Variants in KLHL1 observed in about 807,000 individuals in gnomAD.
The protein encoded by KLHL1 is kelch like family member 1.
A neutral mutation model predicts 77.7 loss-of-function variants in KLHL1; 47 were observed. The observed-to-expected ratio is 0.60, with a 90% confidence interval of 0.48 to 0.77. The LOEUF (loss-of-function observed/expected upper bound fraction) is 0.77. Ranked by LOEUF, KLHL1 falls within the 30% of genes least tolerant of loss-of-function variation. KLHL1 has a pLI of 0.00. For missense variants in KLHL1, 925 were observed against 910.8 expected, an observed-to-expected ratio of 1.02 and a Z score of -0.20; for synonymous variants, 360 against 325.2, an observed-to-expected ratio of 1.11 and a Z score of -1.15.
chr13:70,030,655 T>C (rs1417371757), intron 1 of KLHL1, among the ~76,000 whole-genome samples: 2 of 151,946 alleles, frequency 1.3e-5, no homozygotes, highest in East Asian at 1.9e-4. Context: ...AGATCCAAAA[T>C]TGACACCCTA....
intron 6 of KLHL1, among the ~76,000 whole-genome samples, chr13:69,835,344 A>G (rs1878943759): frequency 6.6e-6 from 1 of 152,124 alleles, no homozygotes; most frequent in African/African-American, 2.4e-5. Context: ...AATAAGAGAA[A>G]TTTTCAAGGG....
intron 1 of KLHL1, among the ~76,000 whole-genome samples, chr13:70,062,089 C>T (rs1886904461): frequency 6.6e-6 from 1 of 152,150 alleles, no homozygotes; most frequent in African/African-American, 2.4e-5. Flanking sequence ...AGCCTCTCCC[C>T]ATCTTCCTGT....
intron 1 of KLHL1, among the ~76,000 whole-genome samples, chr13:70,014,130 C>G (rs1054799401): frequency 6.6e-6 from 1 of 151,972 alleles, no homozygotes; most frequent in African/African-American, 2.4e-5. Flanking sequence ...AAAATCTATG[C>G]TTCTCAGGTA....
intron 1 of KLHL1, among the ~76,000 whole-genome samples, chr13:70,004,861 T>TTATAAC: frequency 6.6e-6 from 1 of 151,560 alleles, no homozygotes; most frequent in East Asian, 1.9e-4. Flanking sequence ...CCTTTGAAAA[T>TTATAAC]TATATTTATA....
chr13:69,789,829 A>T (rs182086815), intron 7 of KLHL1, among the ~76,000 whole-genome samples: 3 of 152,088 alleles, frequency 2.0e-5, no homozygotes, highest in African/African-American at 7.2e-5. Flanking sequence ...GAAGGAAAGA[A>T]AGATTTTGTT....
intron 5 of KLHL1, among the ~76,000 whole-genome samples, chr13:69,842,974 G>C (rs1454744384): frequency 1.3e-5 from 2 of 151,734 alleles, no homozygotes; most frequent in African/African-American, 4.8e-5. Flanking sequence ...TTTTATGTGG[G>C]AGTTAAGAAA....
intron 6 of KLHL1, among the ~76,000 whole-genome samples, chr13:69,826,918 T>G (rs1249540183): frequency 6.6e-6 from 1 of 151,880 alleles, no homozygotes; most frequent in East Asian, 1.9e-4. Flanking sequence ...TGTATTCATT[T>G]TCTGGACATC....
intron 4 of KLHL1, among the ~76,000 whole-genome samples, chr13:69,927,814 T>A (rs1234321347): frequency 6.6e-6 from 1 of 152,174 alleles, no homozygotes; most frequent in East Asian, 1.9e-4. Context: ...TACAGCTAGG[T>A]TGGAAAACAG....
At chr13:70,009,368 T>C (rs374363622) in intron 1 of KLHL1, among the ~76,000 whole-genome samples, 32 of 152,212 alleles carry the variant, frequency 2.1e-4, no homozygotes, top group East Asian at 7.7e-4. Flanking sequence ...AGGTGTTGCA[T>C]AGGTAAAGGG....
rs547875958 is a variant in KLHL1, at chr13:69,924,060, C to T, written c.1014+15980G>A. Reference sequence around the variant, plus strand: ...ACGTGTGCACATGCCTGCAGCAGTGCTGACATGCCAACTCCCTGCTGCCTC... The same window carrying T: ...ACGTGTGCACATGCCTGCAGCAGTGTTGACATGCCAACTCCCTGCTGCCTC... On this transcript the variant is annotated intron_variant, in intron 4 of 10. Transcript: ENST00000377844. Among the ~76,000 whole-genome samples the T allele has an allele frequency of 2.1e-4, 32 of 152,326 alleles. No individual in the cohort carries two copies. The South Asian group carries it at 6.6e-3, about 32-fold the overall frequency.
intron 7 of KLHL1, among the ~76,000 whole-genome samples, chr13:69,794,224 T>C (rs997728734): frequency 6.6e-6 from 1 of 151,940 alleles, no homozygotes; most frequent in African/African-American, 2.4e-5. Context: ...TAACAGCAAA[T>C]AGGTTGAGCG....
chr13:69,855,688 C>T (rs1481660041), intron 5 of KLHL1, among the ~76,000 whole-genome samples: 2 of 151,568 alleles, frequency 1.3e-5, no homozygotes, highest in South Asian at 2.1e-4. Context: ...CTTCCCCTTC[C>T]GCCGTGATTG....
intron 6 of KLHL1, among the ~76,000 whole-genome samples, chr13:69,830,545 C>G (rs1878722611): frequency 6.7e-6 from 1 of 150,122 alleles, no homozygotes; most frequent in Admixed American, 6.7e-5. Context: ...GTCATCAAGA[C>G]AGAAAGTCAA....
At chr13:69,959,141 C>T (rs531910747) in intron 3 of KLHL1, among the ~76,000 whole-genome samples, 1 of 152,096 alleles carries the variant, frequency 6.6e-6, no homozygotes, top group South Asian at 2.1e-4. Context: ...GTATCCTGTC[C>T]GCCCTCTACA....
Position 69,861,102 on chromosome 13 carries a change from A to G in KLHL1, c.1227+21181T>C, listed in dbSNP as rs9599517. 7.0e-3 allele frequency among the ~76,000 whole-genome samples: 1,070 copies of G among 152,212 alleles called. 2 individuals carry two copies. The highest frequency in any genetic ancestry group is 9.8e-3 in the Non-Finnish European group (664 of 67,964). ...ATAGCATCTCTGAACTGTTTTAGAA[A>G]TGGCCAAAGTAACGCTAACTGGTAA... On this transcript the variant is annotated intron_variant, in intron 5 of 10. Transcript: ENST00000377844.
intron 1 of KLHL1, among the ~76,000 whole-genome samples, chr13:70,103,754 TTC>T (rs1887980078): frequency 6.6e-6 from 1 of 152,176 alleles, no homozygotes; most frequent in Admixed American, 6.5e-5. Flanking sequence ...TAGAAAGCTA[TTC>T]TCTGAAATAC....
chr13:70,020,881 T>C (rs1271924934), intron 1 of KLHL1, among the ~76,000 whole-genome samples: 2 of 152,122 alleles, frequency 1.3e-5, no homozygotes, highest in Non-Finnish European at 2.9e-5. Flanking sequence ...TACTTTATTT[T>C]TAGAGCACTG....
In KLHL1 at chr13:69,786,013, C is replaced by A. The variant is rs182117852; in HGVS notation, c.1639+10725G>T. 2.0e-3 allele frequency among the ~76,000 whole-genome samples: 300 copies of A among 152,200 alleles called. 1 individual carries two copies. Among genetic ancestry groups the A allele is most frequent in the African/African-American group, 6.9e-3 (285 of 41,540 alleles). On this transcript the variant is annotated intron_variant, in intron 7 of 10. Transcript: ENST00000377844. ...CAGGCTCTGAAATTGTGGCAATAAT[C>A]AACAGCTTACCCCCCAAAAAGAGTC...
At chr13:69,786,816 A>T (rs1036813092) in intron 7 of KLHL1, among the ~76,000 whole-genome samples, 1 of 152,224 alleles carries the variant, frequency 6.6e-6, no homozygotes, top group African/African-American at 2.4e-5. Flanking sequence ...AAGTCTCAGG[A>T]TACAAAATCA....
Sources: allele counts gnomAD v4.1 joint callset (sites outside exome capture counted in the v4.1 genomes callset), GRCh38; gene constraint gnomAD v4.1.1; transcripts MANE v1.5; gene names NCBI Gene and HGNC (gene_info 2026-07-23, HGNC 2026-07-21).